The following FGL1 variants were observed in gnomAD, a reference collection of about 807,000 sequenced individuals.
FGL1 encodes the protein fibrinogen like 1.
A neutral mutation model predicts 43.7 loss-of-function variants in FGL1; 59 were observed. The observed-to-expected ratio is 1.35, with a 90% CI of 1.10 to 1.68. The LOEUF (loss-of-function observed/expected upper bound fraction) is 1.68. Among genes scored for constraint, FGL1 ranks in the 40% most tolerant of loss-of-function variants. FGL1 has a pLI of 0.00. For synonymous variants in FGL1, 192 were observed against 126.5 expected (o/e 1.52, Z -3.48); for missense variants, 596 against 373.0 (o/e 1.60, Z -4.92).
chr8:17,873,979 T>A (rs750126281), intron 5 of FGL1, 40 bp downstream of exon 5: 3 of 1,449,218 alleles, frequency 2.1e-6, no homozygotes, highest in Non-Finnish European at 2.8e-6. Context: ...GTGTTGTTTT[T>A]ATTATATTTC....
In FGL1 at chr8:17,883,958, T is replaced by C. The variant is rs1563458935; in HGVS notation, c.63+1534A>G. On this transcript the variant is annotated intron_variant, in intron 2 of 7. Coordinates refer to ENST00000427924, the MANE Select transcript of FGL1 (RefSeq NM_004467.4). ...CCTTCCCTCCCTTCCTTCCTTCCTT[T>C]CTTTTCTTTCCTTTCTTCCCATCCC... Among the ~76,000 whole-genome samples the C allele has an allele frequency of 2.1e-5, 3 of 143,726 alleles. No homozygotes were observed. In the South Asian group the frequency reaches 6.7e-4, roughly 32 times the overall value. 94.3% of individuals were successfully genotyped at this position (143,726 alleles called of 152,430 possible).
At position 17,874,576 on chromosome 8, in the gene FGL1, C is replaced by CA. The variant is rs529311031; in HGVS notation, c.245-56_245-55insT. On this transcript the variant is annotated intron_variant, in intron 3 of 7. Transcript: ENST00000427924. The stretch of plus-strand genomic sequence containing the variant: ...CATTATGTGTCTTTTTCTCCCCCCG[C>CA]CTTAGGGAGCCTCTGAATGAGACTA... 1,035 of 1,446,594 alleles carry CA rather than the reference C, an allele frequency of 7.2e-4. 8 individuals carry two copies. The East Asian group carries it at 0.022, about 31-fold the overall frequency. 89.6% of individuals were successfully genotyped at this position (1,446,594 alleles called of 1,614,324 possible).
intron 2 of FGL1, among the ~76,000 whole-genome samples, chr8:17,883,555 TATATA>T (rs1420180823): frequency 8.7e-5 from 12 of 137,568 alleles, no homozygotes; most frequent in East Asian, 2.1e-4. Flanking sequence ...TAGTCTACTT[TATATA>T]ATATATTATA....
chr8:17,875,543 T>TTCTTTCTCTCTCTC (rs1563452422), intron 3 of FGL1, among the ~76,000 whole-genome samples: 1 of 16,828 alleles, frequency 5.9e-5, no homozygotes, highest in African/African-American at 1.7e-4. Context: ...TTCTCTTTCT[T>TTCTTTCTCTCTCTC]TCTTTCTTTC....
At chr8:17,868,162 A>C (rs191817938) in intron 7 of FGL1, among the ~76,000 whole-genome samples, 131 of 152,312 alleles carry the variant, frequency 8.6e-4, no homozygotes, top group African/African-American at 3.0e-3. Flanking sequence ...GCATTACAGC[A>C]ATAACGGTGG....
intron 1 of FGL1, among the ~76,000 whole-genome samples, chr8:17,887,962 A>G (rs2053653579): frequency 1.3e-5 from 2 of 151,936 alleles, no homozygotes; most frequent in South Asian, 2.1e-4. Context: ...CTTAGTAAAT[A>G]TTTTTTCTTT....
intron 3 of FGL1, among the ~76,000 whole-genome samples, chr8:17,878,771 C>A (rs2053493675): frequency 6.6e-6 from 1 of 151,828 alleles, no homozygotes; most frequent in African/African-American, 2.4e-5. Context: ...AATAAAGTAA[C>A]TTGTAAATAA....
intron 5 of FGL1, among the ~76,000 whole-genome samples, chr8:17,872,137 C>T (rs183836223): frequency 2.4e-4 from 36 of 152,076 alleles, no homozygotes; most frequent in Admixed American, 1.4e-3. Flanking sequence ...GAAGGACATA[C>T]AAAGAAAGTA....
intron 1 of FGL1, among the ~76,000 whole-genome samples, chr8:17,886,140 T>C (rs2073565): frequency 0.51 from 77,652 of 151,688 alleles, 22,660 homozygotes; most frequent in Non-Finnish European, 0.67. Context: ...CTGTTGTTGC[T>C]TCTACGGAAT....
At position 17,868,730 on chromosome 8, in the gene FGL1, G is replaced by A. The variant is rs1244515287; in HGVS notation, c.597C>T (p.Phe199=). The A allele has an allele frequency of 6.2e-7, 1 of 1,608,676 alleles. No individual in the cohort carries two copies. Among genetic ancestry groups the A allele is most frequent in the Non-Finnish European group, 8.5e-7 (1 of 1,177,618 alleles). ...KNFKVGDEKN[F]YELNIGEYSG... ...AATATTCCCCAATATTCAACTCGTAGAAATTCTAAAGAAAAAGGGCATTTC... is the reference window on the plus strand; with the variant it reads ...AATATTCCCCAATATTCAACTCGTAAAAATTCTAAAGAAAAAGGGCATTTC... The change falls in exon 7 of 8, where the codon TTC becomes TTT. Residue 199 remains phenylalanine, a synonymous_variant. Coordinates refer to ENST00000427924, the MANE Select transcript of FGL1 (RefSeq NM_004467.4).
chr8:17,874,496 C>A lies in FGL1; in HGVS notation c.270G>T (p.Gly90=), dbSNP rs180970543. The change falls in exon 4 of 8, where the codon GGG becomes GGT. Residue 90 remains glycine (G), a synonymous_variant. Coordinates refer to ENST00000427924, the MANE Select transcript of FGL1 (RefSeq NM_004467.4). ...YADCSEIFND[G]YKLSGFYKIK... ...TTTTGTAAAATCCACTGAGCTTATA[C>A]CCATCATTGAAAATCTCTGAACAAT... is the stretch of plus-strand genomic sequence containing the variant. 3 of 1,608,984 alleles carry A rather than the reference C, an allele frequency of 1.9e-6. No homozygotes were observed. Among genetic ancestry groups the A allele is most frequent in the Non-Finnish European group, 2.5e-6 (3 of 1,177,942 alleles).
intron 7 of FGL1, 43 bp from the exon 8 acceptor site, chr8:17,864,794 G>GAA: frequency 7.2e-7 from 1 of 1,391,266 alleles, no homozygotes; most frequent in Non-Finnish European, 9.4e-7. Flanking sequence ...AATCAGACTG[G>GAA]AAAAATATTG....
chr8:17,893,467 G>C (rs1330442720), intron 1 of FGL1, among the ~76,000 whole-genome samples: 1 of 150,094 alleles, frequency 6.7e-6, no homozygotes, highest in Non-Finnish European at 1.5e-5. Context: ...ATATTGCTTA[G>C]CATTAGATTT....
intron 2 of FGL1, chr8:17,882,505 TG>T (rs2053552385): frequency 1.1e-5 from 2 of 182,514 alleles, no homozygotes; most frequent in African/African-American, 2.4e-5. Context: ...TGATGCCCAG[TG>T]GGTAAGCGGA....
chr8:17,884,866 T>C (rs1258705700), intron 2 of FGL1, among the ~76,000 whole-genome samples: 1 of 152,216 alleles, frequency 6.6e-6, no homozygotes, highest in Non-Finnish European at 1.5e-5. Context: ...ACAAGTTCGA[T>C]GTAATTACTT....
At chr8:17,876,512 A>G (rs2053458414) in intron 3 of FGL1, among the ~76,000 whole-genome samples, 1 of 152,198 alleles carries the variant, frequency 6.6e-6, no homozygotes, top group Non-Finnish European at 1.5e-5. Flanking sequence ...GCGTTCATAT[A>G]CATGCTAAAT....
At chr8:17,887,348 A>C (rs191802528) in intron 1 of FGL1, among the ~76,000 whole-genome samples, 5 of 152,256 alleles carry the variant, frequency 3.3e-5, no homozygotes, top group Admixed American at 3.3e-4. Flanking sequence ...CACCTGGGAG[A>C]GGTATAAAAG....
chr8:17,870,392 C>T (rs1369427862), intron 5 of FGL1, among the ~76,000 whole-genome samples: 1 of 152,020 alleles, frequency 6.6e-6, no homozygotes, highest in Non-Finnish European at 1.5e-5. Flanking sequence ...TGTTATAAAT[C>T]AAATTATTAG....
At chr8:17,881,949 T>C in intron 3 of FGL1, 50 bp downstream of exon 3, 1 of 1,496,168 alleles carries the variant, frequency 6.7e-7, no homozygotes, top group African/African-American at 1.4e-5. Flanking sequence ...TCACTGTACA[T>C]GGGTGCATAA....
Sources: gnomAD v4.1 joint callset for allele counts (sites outside exome capture counted in the v4.1 genomes callset) on GRCh38, gnomAD v4.1.1 for gene constraint, MANE v1.5 for transcripts, NCBI Gene and HGNC (gene_info 2026-07-23, HGNC 2026-07-21) for gene names.